The following NUDCD3 variants were observed in gnomAD, a reference collection of about 807,000 sequenced individuals.
The protein encoded by NUDCD3 is NudC domain containing 3, also known as nudC domain-containing protein 3.
In NUDCD3, 13 loss-of-function variants were observed where a neutral mutation model predicts 39.7. That is an observed-to-expected ratio of 0.33 (90% confidence interval 0.21 to 0.52). The LOEUF (loss-of-function observed/expected upper bound fraction) is 0.52. Ranked by LOEUF, NUDCD3 falls within the 20% of genes least tolerant of loss-of-function variation. The pLI is 0.96. For missense variants in NUDCD3, 453 were observed against 458.1 expected (o/e 0.99, Z 0.10); for synonymous variants, 175 against 172.4 (o/e 1.02, Z -0.12).
chr7:44,445,817 G>C (rs1799681144), intron 2 of NUDCD3, among the ~76,000 whole-genome samples: 1 of 152,208 alleles, frequency 6.6e-6, no homozygotes, highest in South Asian at 2.1e-4. Context: ...TTACGTGTCT[G>C]ATTTGATTAA....
At chr7:44,390,341 G>A (rs888452196) in intron 5 of NUDCD3, among the ~76,000 whole-genome samples, 1 of 152,120 alleles carries the variant, frequency 6.6e-6, no homozygotes, top group African/African-American at 2.4e-5. Context: ...TCCAGCCTGG[G>A]TGACAGAGCG....
rs977372069 is a variant in NUDCD3, at chr7:44,383,252, C to T, written c.*2759G>A. 6.6e-6 allele frequency: 1 copy of T among 152,316 alleles called. No homozygotes were observed. The allele number at this position is 152,316 out of a possible 1,614,324, so 9.4% of individuals were successfully genotyped here. ...CTGGAGACCAAGGAGGGCCTTGGAG[C>T]CTGGTGGGCAAAGGTGGCCCTTCAG... is the stretch of plus-strand genomic sequence containing the variant. On this transcript the variant is annotated 3_prime_UTR_variant, in exon 6 of 6. Transcript: ENST00000355451.
rs1800579623 is a variant in NUDCD3 at position 44,485,131 on chromosome 7, T to C, written c.346A>G (p.Ile116Val). The change falls in exon 2 of 6, where the codon ATA becomes GTA. Residue 116 changes from isoleucine (I) to valine (V), a missense_variant. By Grantham distance (29) the Ile-to-Val change is conservative (BLOSUM62 3). Transcript: ENST00000355451. ...KEPVPVPVQE[I>V]EIDSTTELDG... ...AATTCTGTGGTGGAGTCAATCTCTA[T>C]TTCCTGGACTGGAACTGGGACTGGC... The C allele has an allele frequency of 6.2e-7, 1 of 1,614,094 alleles. No homozygotes were observed. Among genetic ancestry groups the C allele is most frequent in the Non-Finnish European group, 8.5e-7 (1 of 1,180,054 alleles).
rs993634941 is a variant in NUDCD3, at chr7:44,421,308, G to A, written c.642+6263C>T. 3.4e-4 allele frequency among the ~76,000 whole-genome samples: 51 copies of A among 148,058 alleles called. 1 individual carries two copies. Among genetic ancestry groups the A allele is most frequent in the African/African-American group, 1.3e-3 (50 of 39,804 alleles). ...AAGATTGCGCCACTGACTCCAGCAT[G>A]GGCAACAGAGCAAGACTCCGTCTAA... is the stretch of plus-strand genomic sequence containing the variant. On this transcript the variant is annotated intron_variant, in intron 3 of 5. Coordinates refer to ENST00000355451, the MANE Select transcript of NUDCD3 (RefSeq NM_015332.4).
rs1343764770 is a variant in NUDCD3, at chr7:44,454,493, T to C, written c.510-26790A>G. ...TTAAAATCCTTTCATCTGCTCTTCA[T>C]TCATAGCATATAACCACTGAGGCTA... On this transcript the variant is annotated intron_variant, in intron 2 of 5. Transcript: ENST00000355451. Among the ~76,000 whole-genome samples, 6 of 152,370 alleles carry C rather than the reference T, an allele frequency of 3.9e-5. No individual in the cohort carries two copies. In the East Asian group the frequency reaches 7.7e-4, roughly 20 times the overall value.
chr7:44,423,658 GA>G (rs996012369), intron 3 of NUDCD3, among the ~76,000 whole-genome samples: 2 of 151,720 alleles, frequency 1.3e-5, no homozygotes, highest in African/African-American at 2.4e-5. Flanking sequence ...CAAACAAATG[GA>G]AAAAAAATCC....
chr7:44,451,994 A>T (rs1006975995), intron 2 of NUDCD3, among the ~76,000 whole-genome samples: 2 of 152,230 alleles, frequency 1.3e-5, no homozygotes, highest in Non-Finnish European at 2.9e-5. Context: ...AAGCACAGTC[A>T]AGAGAAAGTA....
In NUDCD3 at chr7:44,459,632, T is replaced by C. The variant is rs556074089; in HGVS notation, c.509+25336A>G. Among the ~76,000 whole-genome samples the C allele has an allele frequency of 3.3e-5, 5 of 152,332 alleles. No individual in the cohort carries two copies. In the East Asian group the frequency reaches 9.6e-4, roughly 29 times the overall value. ...TTCCAAATTTTCCAAATTACTTTTG[T>C]AATTAATTAAACAACTGCTTTCCTA... On this transcript the variant is annotated intron_variant, in intron 2 of 5. Transcript: ENST00000355451.
At position 44,381,284 on chromosome 7, in the gene NUDCD3, T is replaced by TAC. The variant is rs1798300988; in HGVS notation, c.*4726_*4727insGT. ...ATGATTTCAGTATCTGCCACTCACC[T>TAC]TGGTCATGATGCCACAGAGAGTGTG... is the stretch of plus-strand genomic sequence containing the variant. On this transcript the variant is annotated 3_prime_UTR_variant, in exon 6 of 6. Transcript: ENST00000355451. The TAC allele has an allele frequency of 6.6e-6, 1 of 152,302 alleles. No individual in the cohort carries two copies. Among genetic ancestry groups the TAC allele is most frequent in the African/African-American group, 2.4e-5 (1 of 41,452 alleles). The allele number at this position is 152,302 out of a possible 1,614,324, so 9.4% of individuals were successfully genotyped here. A position where few individuals can be genotyped will look rare whatever the true frequency, so the allele number is the denominator to read the frequency against.
At chr7:44,486,674 C>T (rs1800617544) in intron 1 of NUDCD3, among the ~76,000 whole-genome samples, 1 of 152,224 alleles carries the variant, frequency 6.6e-6, no homozygotes, top group Non-Finnish European at 1.5e-5. Context: ...GCTCATCCTG[C>T]TGATACTCCA....
At chr7:44,428,123 T>TG (rs1428438132) in intron 2 of NUDCD3, among the ~76,000 whole-genome samples, 1 of 76,102 alleles carries the variant, frequency 1.3e-5, no homozygotes, top group Non-Finnish European at 2.5e-5. Context: ...GGTCAATCTT[T>TG]AAAAAAAAAA....
chr7:44,463,733 T>C (rs1381424527), intron 2 of NUDCD3, among the ~76,000 whole-genome samples: 1 of 152,152 alleles, frequency 6.6e-6, no homozygotes, highest in East Asian at 1.9e-4. Context: ...AGAACAATTG[T>C]TATCTCTGGG....
In NUDCD3 at chr7:44,416,029, C is replaced by G. The variant is rs555024962; in HGVS notation, c.643-11446G>C. 4.1e-4 allele frequency among the ~76,000 whole-genome samples: 62 copies of G among 151,504 alleles called. 1 individual carries two copies. Among genetic ancestry groups the G allele is most frequent in the African/African-American group, 1.3e-3 (55 of 41,302 alleles). On this transcript the variant is annotated intron_variant, in intron 3 of 5. Coordinates refer to ENST00000355451, the MANE Select transcript of NUDCD3 (RefSeq NM_015332.4). ...TTTTTCCAAAGTTTTAAGTGAGGTA[C>G]GACTAAAAAAAAAATCATTCAGCAA...
In NUDCD3 at chr7:44,392,345, G is replaced by A. The variant is rs1414683198; in HGVS notation, c.927C>T (p.Thr309=). 6.2e-7 allele frequency: 1 copy of A among 1,614,174 alleles called. No homozygotes were observed. Among genetic ancestry groups the A allele is most frequent in the Non-Finnish European group, 8.5e-7 (1 of 1,180,014 alleles). Reference sequence around the variant, plus strand: ...CCTGCAGCTTCTGGTGGTAGTCAAAGGTAAGCCTGTCCAACACCGCCTGTT... The same window carrying A: ...CCTGCAGCTTCTGGTGGTAGTCAAAAGTAAGCCTGTCCAACACCGCCTGTT... ...EEEQAVLDRL[T]FDYHQKLQGK... is the part of the protein sequence containing the mutation. Residue 309 remains threonine (T), a synonymous_variant, in exon 5 of 6, where the codon ACC becomes ACT. Coordinates refer to ENST00000355451, the MANE Select transcript of NUDCD3 (RefSeq NM_015332.4).
chr7:44,417,130 C>T (rs1360884942), intron 3 of NUDCD3, among the ~76,000 whole-genome samples: 2 of 152,228 alleles, frequency 1.3e-5, no homozygotes, highest in Admixed American at 6.5e-5. Flanking sequence ...CTCCCACATG[C>T]CCAGTTCCTG....
intron 4 of NUDCD3, among the ~76,000 whole-genome samples, chr7:44,399,685 C>A (rs1798685266): frequency 6.6e-6 from 1 of 152,164 alleles, no homozygotes; most frequent in Non-Finnish European, 1.5e-5. Context: ...GGGCTAATGT[C>A]ATCGGCGACA....
intron 3 of NUDCD3, among the ~76,000 whole-genome samples, chr7:44,421,418 C>T (rs1351975709): frequency 6.9e-6 from 1 of 145,188 alleles, no homozygotes; most frequent in East Asian, 2.1e-4. Flanking sequence ...GGAGACCCAT[C>T]TCATGTGCAA....
At chr7:44,481,564 C>G (rs929078337) in intron 2 of NUDCD3, 8 of 152,202 alleles carry the variant, frequency 5.3e-5, no homozygotes, top group Admixed American at 5.2e-4. Context: ...ACTGAATAAC[C>G]AGGACTGTAA....
In NUDCD3 at chr7:44,392,309, C is replaced by G; in HGVS notation, c.963G>C (p.Gln321His). The G allele has an allele frequency of 6.2e-7, 1 of 1,614,066 alleles. No homozygotes were observed. The highest frequency in any genetic ancestry group is 8.5e-7 in the Non-Finnish European group (1 of 1,179,942). ...GCCATGCTCGTACCAGCTCATGGCT[C>G]TGTGGCTTGCCCTGCAGCTTCTGGT... ...DYHQKLQGKP[Q>H]SHELKVHEML... Residue 321 changes from glutamine (Q) to histidine (H), a missense_variant, in exon 5 of 6, where the codon CAG becomes CAC. Gln to His is a conservative substitution (Grantham distance 24, BLOSUM62 0). Transcript: ENST00000355451.
Sources: gnomAD v4.1 joint callset for allele counts (sites outside exome capture counted in the v4.1 genomes callset) on GRCh38, gnomAD v4.1.1 for gene constraint, MANE v1.5 for transcripts, NCBI Gene and HGNC (gene_info 2026-07-23, HGNC 2026-07-21) for gene names.